NOL4L: variants seen among roughly 807,000 people sequenced by gnomAD.
NOL4L encodes nucleolar protein 4 like.
NOL4L carries 7 observed loss-of-function variants against 64.5 expected under a neutral mutation model. The observed-to-expected ratio is 0.11, with a 90% CI of 0.06 to 0.20. NOL4L has a LOEUF of 0.20. Ranked by LOEUF, NOL4L falls within the 10% of genes least tolerant of loss-of-function variation. NOL4L has a pLI of 1.00. For missense variants in NOL4L, 680 were observed against 967.1 expected (o/e 0.70, Z 3.94); for synonymous variants, 413 against 401.0 (o/e 1.03, Z -0.36).
At chr20:32,499,698 G>A (rs1289392277) in intron 4 of NOL4L, among the ~76,000 whole-genome samples, 3 of 128,028 alleles carry the variant, frequency 2.3e-5, no homozygotes, top group Admixed American at 1.9e-4. Context: ...AAGATTTTGC[G>A]ACTGCACTCT....
chr20:32,555,966 G>A (rs774860945), intron 1 of NOL4L, among the ~76,000 whole-genome samples: 4 of 152,010 alleles, frequency 2.6e-5, no homozygotes, highest in Non-Finnish European at 5.9e-5. Flanking sequence ...CCTTCACGGC[G>A]CCTCTCATGA....
chr20:32,452,520 G>A (rs2013031776), intron 9 of NOL4L, 83 bp from the exon 10 acceptor site: 4 of 1,280,354 alleles, frequency 3.1e-6, no homozygotes, highest in Non-Finnish European at 4.3e-6. Context: ...GTGGATAAAT[G>A]CTGCGGCCCC....
At chr20:32,545,852 A>G (rs963566369) in intron 1 of NOL4L, among the ~76,000 whole-genome samples, 31 of 149,560 alleles carry the variant, frequency 2.1e-4, no homozygotes, top group Middle Eastern at 3.5e-3. Context: ...CTAGAGCAGG[A>G]TATTTGGATT....
Position 32,447,429 on chromosome 20 carries a change from A to AAAAAATTT in NOL4L, c.*166_*167insAAATTTTT. The AAAAAATTT allele has an allele frequency of 1.3e-6, 1 of 757,712 alleles. No homozygotes were observed. The highest frequency in any genetic ancestry group is 2.0e-6 in the Non-Finnish European group (1 of 494,144). 46.9% of individuals were successfully genotyped at this position (757,712 alleles called of 1,614,324 possible). ...AAAAAAAAAAAAAAAAAAAAAAAAA[A>AAAAAATTT]GTGTCCTTGTGCCCAAAGTCTCAGG... On this transcript the variant is annotated 3_prime_UTR_variant, in exon 11 of 11. Transcript: ENST00000621426.
rs967068885 is a variant in NOL4L at position 32,453,897 on chromosome 20, C to A, written c.1120-136G>T. 1.2e-4 allele frequency: 91 copies of A among 739,440 alleles called. No homozygotes were observed. The highest frequency in any genetic ancestry group is 1.9e-4 in the Non-Finnish European group (85 of 452,192). The allele number at this position is 739,440 out of a possible 1,614,324, so 45.8% of individuals were successfully genotyped here. ...CCACGAGAGCCATAGCTGCGAGGCC[C>A]TGAGCAAGTCACTCCCCTCTTCTGC... On this transcript the variant is annotated intron_variant, in intron 6 of 10. Coordinates refer to ENST00000621426, the MANE Select transcript of NOL4L (RefSeq NM_001256798.2). The surrounding 1 kb of genome is among the most constrained non-coding windows in gnomAD (Gnocchi z 5.6).
chr20:32,537,540 CAG>C (rs2018568787), intron 1 of NOL4L, among the ~76,000 whole-genome samples: 1 of 152,216 alleles, frequency 6.6e-6, no homozygotes, highest in African/African-American at 2.4e-5. Context: ...TCACAAGGTA[CAG>C]AGTGACAGAG....
intron 1 of NOL4L, 44 bp from the exon 2 acceptor site, chr20:32,527,957 C>T (rs1285245117): frequency 3.8e-6 from 5 of 1,306,714 alleles, no homozygotes; most frequent in South Asian, 1.3e-5. Flanking sequence ...GGAATGATGG[C>T]GGGGTGAGAA....
At chr20:32,455,288 A>C (rs1221586729) in intron 6 of NOL4L, among the ~76,000 whole-genome samples, 5 of 152,238 alleles carry the variant, frequency 3.3e-5, no homozygotes, top group African/African-American at 4.8e-5. Flanking sequence ...GGACCCAGGC[A>C]AAGCCTGCTC....
chr20:32,443,915 G>A lies in NOL4L; in HGVS notation c.*3681C>T, dbSNP rs1179208871. The A allele has an allele frequency of 6.6e-6, 1 of 152,248 alleles. No homozygotes were observed. The highest frequency in any genetic ancestry group is 1.5e-5 in the Non-Finnish European group (1 of 68,058). The allele number at this position is 152,248 out of a possible 1,614,324, so 9.4% of individuals were successfully genotyped here. ...CTCCTAAATGGACCACATAATTGAG[G>A]CATATGGGCCATCTACCAGGTGGAA... On this transcript the variant is annotated 3_prime_UTR_variant, in exon 11 of 11. Coordinates refer to ENST00000621426, the MANE Select transcript of NOL4L (RefSeq NM_001256798.2).
chr20:32,546,158 G>A (rs1394423181), intron 1 of NOL4L, among the ~76,000 whole-genome samples: 1 of 151,900 alleles, frequency 6.6e-6, no homozygotes, highest in Non-Finnish European at 1.5e-5. Flanking sequence ...ATGCTGGCCA[G>A]GCTGGTCTTG....
At chr20:32,495,450 G>A (rs1043636983) in intron 4 of NOL4L, among the ~76,000 whole-genome samples, 1 of 152,178 alleles carries the variant, frequency 6.6e-6, no homozygotes, top group Non-Finnish European at 1.5e-5. Context: ...AGAGGCAGAT[G>A]GGCTGCTGGG....
Position 32,445,771 on chromosome 20 carries a change from G to C in NOL4L, c.*1825C>G, listed in dbSNP as rs3746611. On this transcript the variant is annotated 3_prime_UTR_variant, in exon 11 of 11. Coordinates refer to ENST00000621426, the MANE Select transcript of NOL4L (RefSeq NM_001256798.2). ...TATTGGAGGCCACTTGAGAGATAAC[G>C]ACCACCCCCAACCTCTAGGGGCCGG... 3 of 152,156 alleles carry C rather than the reference G, an allele frequency of 2.0e-5. No homozygotes were observed. The highest frequency in any genetic ancestry group is 3.9e-4 in the East Asian group (2 of 5,144). 9.4% of individuals were successfully genotyped at this position (152,156 alleles called of 1,614,324 possible).
intron 1 of NOL4L, among the ~76,000 whole-genome samples, chr20:32,552,533 A>G (rs982633528): frequency 1.3e-5 from 2 of 151,590 alleles, no homozygotes; most frequent in African/African-American, 4.9e-5. Context: ...CTAAAAGTAC[A>G]ACAATTAGCC....
intron 1 of NOL4L, among the ~76,000 whole-genome samples, chr20:32,566,425 CA>C (rs11298072): frequency 0.26 from 39,952 of 152,022 alleles, 6,626 homozygotes; most frequent in East Asian, 0.76. Flanking sequence ...AGGTTGGCAT[CA>C]CTGACTCCCG....
chr20:32,577,032 GCTGTGTGTTCA>G (rs1277498744), intron 1 of NOL4L, among the ~76,000 whole-genome samples: 36 of 152,232 alleles, frequency 2.4e-4, no homozygotes, highest in Admixed American at 2.3e-3. Flanking sequence ...CTCCAGCCCA[GCTGTGTGTTCA>G]CTGTGGGCCT....
intron 3 of NOL4L, among the ~76,000 whole-genome samples, chr20:32,517,519 C>T (rs2145567819): frequency 6.6e-6 from 1 of 152,334 alleles, no homozygotes; most frequent in South Asian, 2.1e-4. Context: ...AGGCGAATGC[C>T]TCTGGCCACT....
At chr20:32,465,804 G>A (rs1482033551) in intron 5 of NOL4L, among the ~76,000 whole-genome samples, 2 of 152,204 alleles carry the variant, frequency 1.3e-5, no homozygotes, top group Non-Finnish European at 2.9e-5. Flanking sequence ...CCTGGTTCCT[G>A]GGAAAGTCAC....
intron 1 of NOL4L, among the ~76,000 whole-genome samples, chr20:32,559,884 C>T (rs1380507226): frequency 1.3e-5 from 2 of 152,224 alleles, no homozygotes; most frequent in South Asian, 2.1e-4. Context: ...CAGGCCCTGC[C>T]GCCCACGCGG....
Position 32,447,175 on chromosome 20 carries a change from G to C in NOL4L, c.*421C>G, listed in dbSNP as rs2012369708. 2 of 459,116 alleles carry C rather than the reference G, an allele frequency of 4.4e-6. No homozygotes were observed. Among genetic ancestry groups the C allele is most frequent in the East Asian group, 6.8e-5 (1 of 14,678 alleles). 28.4% of individuals were successfully genotyped at this position (459,116 alleles called of 1,614,324 possible). ...ATTTTCAGAAAAATAAATTACTAAG[G>C]GGAGAGGAAGAAAGGGTCCACTTTG... On this transcript the variant is annotated 3_prime_UTR_variant, in exon 11 of 11. Transcript: ENST00000621426.
Sources: allele counts gnomAD v4.1 joint callset (sites outside exome capture counted in the v4.1 genomes callset), GRCh38; gene constraint gnomAD v4.1.1; non-coding constraint Gnocchi (gnomAD v3.1); transcripts MANE v1.5; gene names NCBI Gene and HGNC (gene_info 2026-07-23, HGNC 2026-07-21).